CPSF2: variants seen among roughly 807,000 people sequenced by gnomAD.
CPSF2 encodes cleavage and polyadenylation specific factor 2.
A neutral mutation model predicts 84.2 loss-of-function variants in CPSF2; 51 were observed. That is an observed-to-expected ratio of 0.61 (90% CI 0.48 to 0.77). The LOEUF (loss-of-function observed/expected upper bound fraction) is 0.77. Among genes scored for constraint, CPSF2 ranks in the 30% least tolerant of loss-of-function variants. The probability of loss-of-function intolerance (pLI) is 0.00; values close to 1 mark genes in which losing one functional copy is unlikely to be tolerated. For missense variants in CPSF2, 641 were observed against 929.4 expected (o/e 0.69, Z 4.03); for synonymous variants, 286 against 311.9 (o/e 0.92, Z 0.87).
Position 92,161,129 on chromosome 14 carries a change from A to G in CPSF2, c.2139A>G (p.Ser713=). The G allele has an allele frequency of 6.2e-7, 1 of 1,613,612 alleles. No individual in the cohort carries two copies. The highest frequency in any genetic ancestry group is 2.2e-5 in the East Asian group (1 of 44,850). ...TATCTAAGGTTCCTGGACATCAGTC[A>G]GTTTTTATGAATGAACCAAGGCTGT... The part of the protein sequence containing the change: ...LPPHEVPGHQ[S]VFMNEPRLSD... Residue 713 remains serine, a synonymous_variant, in exon 15 of 16, where the codon TCA becomes TCG. Transcript: ENST00000298875.
rs1370030123 is a variant in CPSF2, at chr14:92,165,376, C to T, written c.*3632C>T. 1 of 152,030 alleles carries T rather than the reference C, an allele frequency of 6.6e-6. No individual in the cohort carries two copies. Among genetic ancestry groups the T allele is most frequent in the Non-Finnish European group, 1.5e-5 (1 of 68,020 alleles). The allele number at this position is 152,030 out of a possible 1,614,324, so 9.4% of individuals were successfully genotyped here. On this transcript the variant is annotated 3_prime_UTR_variant, in exon 16 of 16. Transcript: ENST00000298875. ...AGGCTGTTTTCCAAAGTGGCTACAA[C>T]ATTTTGCATTTCCACCAGCATGTGT... is the stretch of plus-strand genomic sequence containing the variant.
At chr14:92,143,813 G>T (rs2069110891) in intron 9 of CPSF2, among the ~76,000 whole-genome samples, 1 of 152,102 alleles carries the variant, frequency 6.6e-6, no homozygotes, top group Non-Finnish European at 1.5e-5. Context: ...GTCTCATTAT[G>T]TTGCCATGGG....
chr14:92,139,156 G>A (rs540281195), intron 7 of CPSF2, among the ~76,000 whole-genome samples: 4 of 152,208 alleles, frequency 2.6e-5, no homozygotes, highest in African/African-American at 7.2e-5. Flanking sequence ...AGTGGCTCAC[G>A]CCTGTAATCC....
chr14:92,143,799 CGTT>C (rs59327065), intron 9 of CPSF2, among the ~76,000 whole-genome samples: 2,092 of 152,096 alleles, frequency 0.014, 52 homozygotes, highest in African/African-American at 0.047. Context: ...TTTGGAAAGA[CGTT>C]GTCTCATTAT....
intron 2 of CPSF2, among the ~76,000 whole-genome samples, chr14:92,128,049 T>A (rs2068864943): frequency 1.3e-5 from 2 of 152,178 alleles, no homozygotes; most frequent in African/African-American, 4.8e-5. Flanking sequence ...ACGGCCTGTT[T>A]GAGGCCTTTG....
intron 6 of CPSF2, among the ~76,000 whole-genome samples, chr14:92,136,406 G>T (rs1289789722): frequency 6.6e-6 from 1 of 152,128 alleles, no homozygotes; most frequent in African/African-American, 2.4e-5. Flanking sequence ...CAAACTGTTC[G>T]CATAAACGCA....
chr14:92,134,520 A>C (rs1309558487), intron 5 of CPSF2, among the ~76,000 whole-genome samples, 165 bp downstream of exon 5: 1 of 152,236 alleles, frequency 6.6e-6, no homozygotes, highest in Admixed American at 6.5e-5. Context: ...TTTGAATTTT[A>C]AAATATTTCA....
chr14:92,129,809 G>T (rs190386368), intron 2 of CPSF2, among the ~76,000 whole-genome samples: 1 of 152,108 alleles, frequency 6.6e-6, no homozygotes, highest in Non-Finnish European at 1.5e-5. Flanking sequence ...GTCTAGTGGC[G>T]CACTCATAGC....
chr14:92,145,941 T>TC (rs1182950854), intron 9 of CPSF2, among the ~76,000 whole-genome samples: 1 of 152,204 alleles, frequency 6.6e-6, no homozygotes, highest in African/African-American at 2.4e-5. Flanking sequence ...CTAGCAGTTT[T>TC]CCCTCTACTT....
intron 8 of CPSF2, among the ~76,000 whole-genome samples, chr14:92,142,676 G>T (rs2069093287): frequency 1.3e-5 from 2 of 152,116 alleles, no homozygotes; most frequent in Non-Finnish European, 1.5e-5. Context: ...AGAATTCATT[G>T]TTCTTTCTTT....
At chr14:92,150,994 T>C (rs2069207987) in intron 9 of CPSF2, among the ~76,000 whole-genome samples, 1 of 152,216 alleles carries the variant, frequency 6.6e-6, no homozygotes, top group African/African-American at 2.4e-5. Context: ...TTTAAAAATA[T>C]TGTCAACATT....
In CPSF2 at chr14:92,161,694, G is replaced by T; in HGVS notation, c.2299G>T (p.Asp767Tyr). ...RIGLEGCLCQ[D>Y]FYRIRDLLYE... ...TGGATTAGAAGGCTGCCTTTGTCAA[G>T]ATTTTTATAGGATAAGAGACCTTTT... The change falls in exon 16 of 16, where the codon GAT becomes TAT. Residue 767 changes from aspartate (D) to tyrosine (Y), a missense_variant. By Grantham distance (160) the Asp-to-Tyr change is radical. Coordinates refer to ENST00000298875, the MANE Select transcript of CPSF2 (RefSeq NM_017437.3). 1 of 1,595,198 alleles carries T rather than the reference G, an allele frequency of 6.3e-7. No homozygotes were observed. The highest frequency in any genetic ancestry group is 2.3e-5 in the East Asian group (1 of 43,780).
chr14:92,159,954 T>TG (rs1567027200), intron 14 of CPSF2, among the ~76,000 whole-genome samples: 1 of 81,004 alleles, frequency 1.2e-5, no homozygotes, highest in Non-Finnish European at 2.5e-5. Context: ...AGTCATACTG[T>TG]TTTTTTTTTG....
At position 92,142,149 on chromosome 14, in the gene CPSF2, A is replaced by T; in HGVS notation, c.662-15A>T. On this transcript the variant is annotated splice_polypyrimidine_tract_variant and intron_variant, in intron 7 of 15. Coordinates refer to ENST00000298875, the MANE Select transcript of CPSF2 (RefSeq NM_017437.3). ...TTGTTACGTTCTATGGGGATTTTACATTCTTGTTTTCTAGCAAATGTCCTG... is the reference window on the plus strand; with the variant it reads ...TTGTTACGTTCTATGGGGATTTTACTTTCTTGTTTTCTAGCAAATGTCCTG... The T allele has an allele frequency of 6.3e-7, 1 of 1,577,210 alleles. No homozygotes were observed. Among genetic ancestry groups the T allele is most frequent in the Non-Finnish European group, 8.6e-7 (1 of 1,156,958 alleles).
intron 9 of CPSF2, among the ~76,000 whole-genome samples, chr14:92,153,070 A>ATTTTTATTTTTTTTATTTTTTTTATTTTT (rs1486450403): frequency 6.6e-6 from 1 of 150,396 alleles, no homozygotes; most frequent in African/African-American, 2.4e-5. Flanking sequence ...GTCAAATTTT[A>ATTTTTATTTTTTTTATTTTTTTTATTTTT]TTTTTAGATG....
chr14:92,133,692 C>T (rs1300807827), intron 3 of CPSF2, among the ~76,000 whole-genome samples: 2 of 151,798 alleles, frequency 1.3e-5, no homozygotes, highest in East Asian at 3.9e-4. Flanking sequence ...TCTTGAACTC[C>T]TGAGCTCAAA....
At chr14:92,136,450 C>T (rs1301552050) in intron 6 of CPSF2, among the ~76,000 whole-genome samples, 4 of 152,162 alleles carry the variant, frequency 2.6e-5, no homozygotes. Context: ...GTGTCTGCCA[C>T]CCAGAAGGAA....
intron 6 of CPSF2, among the ~76,000 whole-genome samples, chr14:92,137,873 G>A (rs2069020531): frequency 6.6e-6 from 1 of 152,076 alleles, no homozygotes; most frequent in Non-Finnish European, 1.5e-5. Context: ...TGAGCGTATA[G>A]GAATGTATAT....
chr14:92,126,479 T>C (rs1384301824), intron 2 of CPSF2, among the ~76,000 whole-genome samples: 6 of 152,198 alleles, frequency 3.9e-5, no homozygotes, highest in Non-Finnish European at 2.9e-5. Context: ...TAAACGTTTT[T>C]CATCAAATAG....
Sources: allele counts gnomAD v4.1 joint callset (sites outside exome capture counted in the v4.1 genomes callset), GRCh38; gene constraint gnomAD v4.1.1; transcripts MANE v1.5; gene names NCBI Gene and HGNC (gene_info 2026-07-23, HGNC 2026-07-21).